Variants in EPHA6 observed in about 807,000 individuals in gnomAD.
EPHA6 encodes the protein ephrin type-A receptor 6.
A neutral mutation model predicts 112.0 loss-of-function variants in EPHA6; 50 were observed. The observed-to-expected ratio is 0.45, with a 90% CI of 0.36 to 0.56. The LOEUF is 0.56. Among genes scored for constraint, EPHA6 ranks in the 20% least tolerant of loss-of-function variants. EPHA6 has a pLI of 0.00. For missense variants in EPHA6, 1,280 were observed against 1,417.4 expected (o/e 0.90, Z 1.56); for synonymous variants, 529 against 490.7 (o/e 1.08, Z -1.03).
chr3:97,376,635 C>A (rs2085376456), intron 5 of EPHA6, among the ~76,000 whole-genome samples: 1 of 152,186 alleles, frequency 6.6e-6, no homozygotes, highest in Non-Finnish European at 1.5e-5. Flanking sequence ...AAGTTCTAAA[C>A]CAGAACACTG....
At chr3:97,688,262 A>G (rs2032398245) in intron 14 of EPHA6, among the ~76,000 whole-genome samples, 1 of 151,912 alleles carries the variant, frequency 6.6e-6, no homozygotes, top group Non-Finnish European at 1.5e-5. Context: ...TTGGTATGTA[A>G]TTTTCTACTT....
chr3:97,641,611 G>C (rs150865374), intron 14 of EPHA6, among the ~76,000 whole-genome samples: 2 of 152,254 alleles, frequency 1.3e-5, no homozygotes, highest in Non-Finnish European at 2.9e-5. Context: ...GAAGCAGAGC[G>C]AGGCATTGCC....
intron 2 of EPHA6, among the ~76,000 whole-genome samples, chr3:96,902,770 G>A (rs1011426503): frequency 3.3e-5 from 5 of 152,072 alleles, no homozygotes; most frequent in Non-Finnish European, 7.4e-5. Flanking sequence ...TTCCTACCGG[G>A]ATCTTTTATT....
At chr3:96,963,674 C>G (rs2042023874) in intron 2 of EPHA6, among the ~76,000 whole-genome samples, 1 of 152,038 alleles carries the variant, frequency 6.6e-6, no homozygotes, top group African/African-American at 2.4e-5. Flanking sequence ...TCTGTTGTCT[C>G]CTGCTAATTA....
At chr3:96,942,627 GC>G in intron 2 of EPHA6, among the ~76,000 whole-genome samples, 1 of 152,268 alleles carries the variant, frequency 6.6e-6, no homozygotes, top group Non-Finnish European at 1.5e-5. Flanking sequence ...ACTGTCCTGC[GC>G]CCACTGTCTG....
chr3:97,398,222 G>A (rs943964039), intron 5 of EPHA6, among the ~76,000 whole-genome samples: 46 of 151,320 alleles, frequency 3.0e-4, no homozygotes, highest in African/African-American at 1.0e-3. Context: ...TGGTAATATT[G>A]CTTTAGACAT....
At chr3:97,688,105 T>C (rs999801448) in intron 14 of EPHA6, among the ~76,000 whole-genome samples, 1 of 152,176 alleles carries the variant, frequency 6.6e-6, no homozygotes, top group African/African-American at 2.4e-5. Context: ...TTATTGTGTA[T>C]TATTGTGTAT....
intron 2 of EPHA6, among the ~76,000 whole-genome samples, chr3:96,867,367 T>A (rs1576185026): frequency 6.6e-6 from 1 of 151,922 alleles, no homozygotes; most frequent in South Asian, 2.1e-4. Context: ...GGTGATTAGG[T>A]TTTTGTTAAC....
At chr3:97,124,469 AAAAG>A (rs35225817) in intron 3 of EPHA6, among the ~76,000 whole-genome samples, 12,419 of 149,786 alleles carry the variant, frequency 0.083, 924 homozygotes, top group African/African-American at 0.2. Flanking sequence ...TCTGTTTAAA[AAAAG>A]AAAGAAAGAA....
At chr3:97,546,916 C>G (rs1341332073) in intron 11 of EPHA6, among the ~76,000 whole-genome samples, 2 of 152,236 alleles carry the variant, frequency 1.3e-5, no homozygotes, top group Non-Finnish European at 2.9e-5. Context: ...TCAGCTCCAT[C>G]AGGTCCTTTA....
chr3:97,305,433 C>T (rs537178773), intron 5 of EPHA6, among the ~76,000 whole-genome samples: 27 of 152,108 alleles, frequency 1.8e-4, no homozygotes, highest in African/African-American at 3.6e-4. Flanking sequence ...TTCATTACAG[C>T]GCTATTCACA....
At chr3:97,445,277 G>A (rs2090299884) in intron 6 of EPHA6, among the ~76,000 whole-genome samples, 2 of 152,114 alleles carry the variant, frequency 1.3e-5, no homozygotes, top group African/African-American at 4.8e-5. Flanking sequence ...TAGTGCACAA[G>A]ATGGCCAGTG....
At chr3:97,151,760 AAT>A (rs1343384367) in intron 3 of EPHA6, among the ~76,000 whole-genome samples, 11 of 152,110 alleles carry the variant, frequency 7.2e-5, no homozygotes, top group South Asian at 2.1e-4. Context: ...TGAAAAATAA[AAT>A]AATTATTTCA....
chr3:97,182,360 A>G (rs947216689), intron 3 of EPHA6, among the ~76,000 whole-genome samples: 2 of 149,440 alleles, frequency 1.3e-5, no homozygotes, highest in Non-Finnish European at 3.0e-5. Flanking sequence ...TATAATAAAT[A>G]TGTTTGTTTC....
At chr3:97,159,387 C>A (rs1048859604) in intron 3 of EPHA6, among the ~76,000 whole-genome samples, 2 of 152,070 alleles carry the variant, frequency 1.3e-5, no homozygotes, top group African/African-American at 4.8e-5. Context: ...TGGAAGTATT[C>A]CTGTCTTTGG....
intron 15 of EPHA6, among the ~76,000 whole-genome samples, chr3:97,727,475 T>G (rs148937655): frequency 2.5e-4 from 38 of 152,166 alleles, no homozygotes; most frequent in African/African-American, 9.1e-4. Flanking sequence ...CCAAGAATAG[T>G]GGATATGTAG....
chr3:97,232,878 G>C (rs1299544929), intron 4 of EPHA6, among the ~76,000 whole-genome samples: 1 of 152,012 alleles, frequency 6.6e-6, no homozygotes, highest in Non-Finnish European at 1.5e-5. Context: ...ACTCGGGAGG[G>C]GCCACATGCA....
At chr3:97,001,631 T>G (rs1310723585) in intron 3 of EPHA6, among the ~76,000 whole-genome samples, 2 of 152,058 alleles carry the variant, frequency 1.3e-5, no homozygotes, top group Non-Finnish European at 2.9e-5. Flanking sequence ...ACAAACTATT[T>G]TTTTAGAATG....
At chr3:97,720,929 TTGG>T (rs1388302170) in intron 15 of EPHA6, among the ~76,000 whole-genome samples, 1 of 152,168 alleles carries the variant, frequency 6.6e-6, no homozygotes, top group African/African-American at 2.4e-5. Flanking sequence ...TAAAACTACC[TTGG>T]TGGTTGATAC....
Sources: gnomAD v4.1 joint callset for allele counts (sites outside exome capture counted in the v4.1 genomes callset) on GRCh38, gnomAD v4.1.1 for gene constraint, MANE v1.5 for transcripts, NCBI Gene and HGNC (gene_info 2026-07-23, HGNC 2026-07-21) for gene names.